Variants in MED13L observed in about 807,000 individuals in gnomAD.
The protein encoded by MED13L is mediator complex subunit 13L, also known as mediator of RNA polymerase II transcription subunit 13-like.
A neutral mutation model predicts 220.9 loss-of-function variants in MED13L; 7 were observed. The observed-to-expected ratio is 0.03, with a 90% CI of 0.02 to 0.06. The LOEUF (loss-of-function observed/expected upper bound fraction) is 0.06, where lower values mean the gene tolerates loss of function less well. Among genes scored for constraint, MED13L ranks in the 10% least tolerant of loss-of-function variants. MED13L has a pLI of 1.00. For missense variants in MED13L, 1,965 were observed against 2,760.5 expected (o/e 0.71, Z 6.46); for synonymous variants, 1,011 against 1,015.2 (o/e 1.00, Z 0.08).
chr12:116,204,855 G>A (rs985051590), intron 2 of MED13L, among the ~76,000 whole-genome samples: 5 of 152,154 alleles, frequency 3.3e-5, no homozygotes, highest in African/African-American at 1.2e-4. Context: ...AATTGGCAAA[G>A]AATAAGATGT....
At chr12:116,184,355 C>T (rs928947618) in intron 2 of MED13L, among the ~76,000 whole-genome samples, 6 of 152,018 alleles carry the variant, frequency 3.9e-5, no homozygotes, top group African/African-American at 1.5e-4. Flanking sequence ...TTTTTAAGTG[C>T]ATAAATGGAG....
At chr12:116,104,645 T>C (rs1290053289) in intron 3 of MED13L, among the ~76,000 whole-genome samples, 2 of 152,136 alleles carry the variant, frequency 1.3e-5, no homozygotes, top group African/African-American at 2.4e-5. Context: ...CAGATTAAAG[T>C]CTCCCTAAGT....
At chr12:116,045,000 G>A (rs1881748745) in intron 4 of MED13L, among the ~76,000 whole-genome samples, 2 of 152,112 alleles carry the variant, frequency 1.3e-5, no homozygotes, top group South Asian at 2.1e-4. Context: ...GCAAAAAAGG[G>A]TATAGTAAGA....
At chr12:116,164,627 TA>T (rs1879119183) in intron 2 of MED13L, among the ~76,000 whole-genome samples, 1 of 152,174 alleles carries the variant, frequency 6.6e-6, no homozygotes, top group East Asian at 1.9e-4. Context: ...AGTTTTCCAC[TA>T]TAGCTTAAGT....
At chr12:115,972,359 G>A (rs1236000356) in intron 25 of MED13L, 123 bp from the exon 26 acceptor site, 2 of 1,107,770 alleles carry the variant, frequency 1.8e-6, no homozygotes, top group Non-Finnish European at 2.7e-6. Context: ...GGGAATTATG[G>A]CTTTACATAT....
At chr12:116,241,317 CAAAAAACA>C (rs928105181) in intron 1 of MED13L, among the ~76,000 whole-genome samples, 6 of 139,208 alleles carry the variant, frequency 4.3e-5, no homozygotes, top group African/African-American at 8.1e-5. Flanking sequence ...AAAAAAAAAA[CAAAAAACA>C]AAAAAACAAA....
intron 1 of MED13L, among the ~76,000 whole-genome samples, chr12:116,238,065 AG>A (rs1203955201): frequency 6.6e-6 from 1 of 152,266 alleles, no homozygotes; most frequent in Non-Finnish European, 1.5e-5. Context: ...TTAGAAATCA[AG>A]TAAGATTTTA....
intron 2 of MED13L, chr12:116,181,406 A>T (rs1413439494): frequency 1.3e-5 from 2 of 152,204 alleles, no homozygotes; most frequent in East Asian, 1.9e-4. Flanking sequence ...TTTCCTTTGC[A>T]TGCCAGCCAA....
In MED13L at chr12:115,961,103, C is replaced by T; in HGVS notation, c.*163G>A. 1.1e-6 allele frequency: 1 copy of T among 932,242 alleles called. No homozygotes were observed. The highest frequency in any genetic ancestry group is 1.7e-6 in the Non-Finnish European group (1 of 600,682). 57.7% of individuals were successfully genotyped at this position (932,242 alleles called of 1,614,324 possible). Reference sequence around the variant, plus strand: ...GTCAAGGAGTCACTCTGGTAATGAACACTGCAGAATTGACATGTGCCTGCT... The same window carrying T: ...GTCAAGGAGTCACTCTGGTAATGAATACTGCAGAATTGACATGTGCCTGCT... On this transcript the variant is annotated 3_prime_UTR_variant, in exon 31 of 31. Coordinates refer to ENST00000281928, the MANE Select transcript of MED13L (RefSeq NM_015335.5).
At chr12:115,968,032 A>G (rs1876304861) in intron 28 of MED13L, among the ~76,000 whole-genome samples, 1 of 142,002 alleles carries the variant, frequency 7.0e-6, no homozygotes, top group African/African-American at 2.6e-5. Flanking sequence ...CGTCTAATAA[A>G]TTCAGTGCTG....
chr12:116,050,446 CACT>C (rs771677455), intron 4 of MED13L, among the ~76,000 whole-genome samples: 8 of 151,890 alleles, frequency 5.3e-5, no homozygotes, highest in African/African-American at 1.2e-4. Flanking sequence ...AAATGAACAC[CACT>C]GAGACACTCT....
chr12:116,219,376 G>C (rs1304826823), intron 2 of MED13L, among the ~76,000 whole-genome samples: 1 of 152,156 alleles, frequency 6.6e-6, no homozygotes, highest in African/African-American at 2.4e-5. Flanking sequence ...ATTTTCACCA[G>C]TGTTCCAGTA....
At chr12:116,195,676 C>G (rs941697187) in intron 2 of MED13L, among the ~76,000 whole-genome samples, 22 of 151,992 alleles carry the variant, frequency 1.4e-4, no homozygotes, top group Non-Finnish European at 2.9e-4. Flanking sequence ...GTCTTGAACT[C>G]CTGACCTCAA....
chr12:115,965,980 A>G, intron 29 of MED13L, 102 bp downstream of exon 29: 1 of 1,385,702 alleles, frequency 7.2e-7, no homozygotes, highest in Non-Finnish European at 1.0e-6. Context: ...AAAAAGGAAC[A>G]GAATAAGATT....
chr12:116,095,249 G>A (rs1189510444), intron 4 of MED13L, among the ~76,000 whole-genome samples: 2 of 151,854 alleles, frequency 1.3e-5, no homozygotes, highest in African/African-American at 2.4e-5. Flanking sequence ...TATTTATAAG[G>A]GGAAAAAAAT....
chr12:116,010,954 G>A (rs1042561668), intron 9 of MED13L, among the ~76,000 whole-genome samples: 23 of 150,474 alleles, frequency 1.5e-4, no homozygotes, highest in Admixed American at 1.5e-3. Flanking sequence ...TCGGCTCACT[G>A]CAACCTCCGC....
intron 4 of MED13L, 45 bp from the exon 5 acceptor site, chr12:116,022,646 A>C (rs769190321): frequency 1.3e-6 from 2 of 1,583,316 alleles, no homozygotes; most frequent in Non-Finnish European, 1.7e-6. Context: ...TTTTGGTAGG[A>C]AAGGGTGCTA....
intron 2 of MED13L, among the ~76,000 whole-genome samples, chr12:116,130,067 TATC>T (rs1428169435): frequency 2.0e-5 from 3 of 152,222 alleles, no homozygotes; most frequent in Non-Finnish European, 2.9e-5. Flanking sequence ...AGACCCTTGA[TATC>T]ATAAACATTC....
At chr12:116,133,396 A>G (rs750031547) in intron 2 of MED13L, among the ~76,000 whole-genome samples, 6 of 152,308 alleles carry the variant, frequency 3.9e-5, no homozygotes, top group Middle Eastern at 6.8e-3. Context: ...AACAATCTGG[A>G]AACAGCCTGT....
Sources: allele counts gnomAD v4.1 joint callset (sites outside exome capture counted in the v4.1 genomes callset), GRCh38; gene constraint gnomAD v4.1.1; transcripts MANE v1.5; gene names NCBI Gene and HGNC (gene_info 2026-07-23, HGNC 2026-07-21).